TMEM240: variants seen among roughly 807,000 people sequenced by gnomAD.
TMEM240 encodes the protein transmembrane protein C1orf70.
Under a neutral mutation model 19.5 loss-of-function variants are expected in TMEM240, and 3 were observed. The observed-to-expected ratio is 0.15, with a 90% CI of 0.07 to 0.40. The LOEUF (loss-of-function observed/expected upper bound fraction) is 0.40. Among genes scored for constraint, TMEM240 ranks in the 10% least tolerant of loss-of-function variants. The probability of loss-of-function intolerance (pLI) is 1.00; values close to 1 mark genes in which losing one functional copy is unlikely to be tolerated. For synonymous variants in TMEM240, 123 were observed against 109.3 expected (o/e 1.13, Z -0.78); for missense variants, 210 against 253.5 (o/e 0.83, Z 1.17).
At position 1,539,827 on chromosome 1, in the gene TMEM240, G is replaced by C. The variant is rs771018228; in HGVS notation, c.58-37C>G. The C allele has an allele frequency of 2.7e-5, 41 of 1,532,312 alleles. No individual in the cohort carries two copies. The East Asian group carries it at 7.9e-4, about 30-fold the overall frequency. 94.9% of individuals were successfully genotyped at this position (1,532,312 alleles called of 1,614,324 possible). A position where few individuals can be genotyped will look rare whatever the true frequency, so the allele number is the denominator to read the frequency against. ...CATGACCGGTCAGCGCCAAGGAGCG[G>C]GCGGGACGAAGCGGGGCTGGGGGTG... On this transcript the variant is annotated intron_variant, in intron 1 of 3. Transcript: ENST00000378733.
In TMEM240 at chr1:1,535,564, C is replaced by T. The variant is rs994122912; in HGVS notation, c.373+25G>A. On this transcript the variant is annotated intron_variant, in intron 3 of 3. Transcript: ENST00000378733. The surrounding 1 kb of genome is among the most constrained non-coding windows in gnomAD (Gnocchi z 8.2). ...GGGCCGGCCAGGGCGGCAGCACTCCCGGGCGGCGGGCACGAGGCACTCACC... is the reference window on the plus strand; with the variant it reads ...GGGCCGGCCAGGGCGGCAGCACTCCTGGGCGGCGGGCACGAGGCACTCACC... 5.0e-5 allele frequency: 78 copies of T among 1,544,660 alleles called. No individual in the cohort carries two copies. Among genetic ancestry groups the T allele is most frequent in the Admixed American group, 1.4e-4 (7 of 50,762 alleles).
At position 1,540,433 on chromosome 1, in the gene TMEM240, C is replaced by T; in HGVS notation, c.-87G>A. ...CCCGATGCTGAGCCCCCGCCGCCTCCGCAGAGGTCAGCGCTTCCCTGGATC... is the reference window on the plus strand; with the variant it reads ...CCCGATGCTGAGCCCCCGCCGCCTCTGCAGAGGTCAGCGCTTCCCTGGATC... On this transcript the variant is annotated 5_prime_UTR_variant, in exon 1 of 4. Transcript: ENST00000378733. 2.3e-6 allele frequency: 1 copy of T among 429,692 alleles called. No individual in the cohort carries two copies. The highest frequency in any genetic ancestry group is 2.2e-5 in the African/African-American group (1 of 45,904). The allele number at this position is 429,692 out of a possible 1,614,324, so 26.6% of individuals were successfully genotyped here. A position where few individuals can be genotyped will look rare whatever the true frequency, so the allele number is the denominator to read the frequency against.
chr1:1,539,616 C>T, intron 2 of TMEM240, 68 bp downstream of exon 2: 2 of 1,392,858 alleles, frequency 1.4e-6, no homozygotes, highest in African/African-American at 2.9e-5. Flanking sequence ...GGTTCCCCCG[C>T]GCCCCGAGTG....
At chr1:1,537,181 T>C (rs1254042609) in intron 2 of TMEM240, among the ~76,000 whole-genome samples, 2 of 151,894 alleles carry the variant, frequency 1.3e-5, no homozygotes, top group Non-Finnish European at 2.9e-5. Context: ...ACGCTCCCCT[T>C]GAAGCCCTCC....
rs1642226614 is a variant in TMEM240, at chr1:1,536,597, G to A, written c.165-800C>T. 6.6e-6 allele frequency among the ~76,000 whole-genome samples: 1 copy of A among 152,166 alleles called. No individual in the cohort carries two copies. Among genetic ancestry groups the A allele is most frequent in the Non-Finnish European group, 1.5e-5 (1 of 68,018 alleles). On this transcript the variant is annotated intron_variant, in intron 2 of 3. Transcript: ENST00000378733. The surrounding 1 kb of genome is among the most constrained non-coding windows in gnomAD (Gnocchi z 5.4). Reference sequence around the variant, plus strand: ...AACTGCCCAGGCTCAGGCCACAACAGCCTCTGGCCTCTTGCTGCTGGGGCA... The same window carrying A: ...AACTGCCCAGGCTCAGGCCACAACAACCTCTGGCCTCTTGCTGCTGGGGCA...
In TMEM240 at chr1:1,535,927, GGCGGGCGGGTC is replaced by G; in HGVS notation, c.165-141_165-131del. On this transcript the variant is annotated intron_variant, in intron 2 of 3. Transcript: ENST00000378733. The surrounding 1 kb of genome is among the most constrained non-coding windows in gnomAD (Gnocchi z 8.2). ...GGGGGTTCTCTGAAGCAGCCTCTTG[GGCGGGCGGGTC>G]GGGAAGGGGGCACCAGACTCAACGA... 3.1e-6 allele frequency: 2 copies of G among 651,018 alleles called. No individual in the cohort carries two copies. Among genetic ancestry groups the G allele is most frequent in the Non-Finnish European group, 2.7e-6 (1 of 366,278 alleles). 40.3% of individuals were successfully genotyped at this position (651,018 alleles called of 1,614,324 possible). A position where few individuals can be genotyped will look rare whatever the true frequency, so the allele number is the denominator to read the frequency against.
At chr1:1,538,224 A>G (rs372757400) in intron 2 of TMEM240, among the ~76,000 whole-genome samples, 47 of 152,226 alleles carry the variant, frequency 3.1e-4, no homozygotes, top group African/African-American at 1.2e-4. Flanking sequence ...CTGAACGTAC[A>G]TATCCTGTAT....
At chr1:1,538,368 G>A (rs559088875) in intron 2 of TMEM240, among the ~76,000 whole-genome samples, 4 of 152,328 alleles carry the variant, frequency 2.6e-5, no homozygotes, top group East Asian at 3.9e-4. Context: ...CTCTGGACAC[G>A]GCATGAGCCG....
Position 1,535,626 on chromosome 1 carries a change from G to T in TMEM240, c.336C>A (p.His112Gln), listed in dbSNP as rs1334324783. The T allele has an allele frequency of 6.5e-7, 1 of 1,549,816 alleles. No homozygotes were observed. Among genetic ancestry groups the T allele is most frequent in the South Asian group, 1.2e-5 (1 of 84,062 alleles). Residue 112 changes from histidine (H) to glutamine (Q), a missense_variant, in exon 3 of 4, where the codon CAC becomes CAA. Around this residue, in one of 3 missense-constraint regions of TMEM240, gnomAD observed 157 missense variants for 168.2 expected, o/e 0.93. Transcript: ENST00000378733. The surrounding 1 kb of genome is among the most constrained non-coding windows in gnomAD (Gnocchi z 8.2). ...WFLVWMDGVL[H>Q]CAVRAWRAGR... is the part of the protein sequence containing the mutation. Reference sequence around the variant, plus strand: ...CGGCTCTCCAGGCGCGCACGGCGCAGTGCAGGACGCCGTCCATCCACACCA... The same window carrying T: ...CGGCTCTCCAGGCGCGCACGGCGCATTGCAGGACGCCGTCCATCCACACCA...
chr1:1,540,204 G>A (rs1397617946), intron 1 of TMEM240, 86 bp downstream of exon 1: 12 of 909,292 alleles, frequency 1.3e-5, no homozygotes, highest in South Asian at 3.7e-5. Flanking sequence ...CAGGCCGCAC[G>A]GGCGGTAAAC....
Position 1,535,869 on chromosome 1 carries a change from C to T in TMEM240, c.165-72G>A, listed in dbSNP as rs568200518. ...TGGCCTTCCCCCGGGGCGCCTACCCCGTGGTGGGGGTGTGACCGCGTCAGG... is the reference window on the plus strand; with the variant it reads ...TGGCCTTCCCCCGGGGCGCCTACCCTGTGGTGGGGGTGTGACCGCGTCAGG... On this transcript the variant is annotated intron_variant, in intron 2 of 3. Transcript: ENST00000378733. The surrounding 1 kb of genome is among the most constrained non-coding windows in gnomAD (Gnocchi z 8.2). The T allele has an allele frequency of 6.8e-5, 78 of 1,153,106 alleles. No individual in the cohort carries two copies. Among genetic ancestry groups the T allele is most frequent in the South Asian group, 3.3e-4 (26 of 77,772 alleles). The allele number at this position is 1,153,106 out of a possible 1,614,324, so 71.4% of individuals were successfully genotyped here. A position where few individuals can be genotyped will look rare whatever the true frequency, so the allele number is the denominator to read the frequency against.
intron 2 of TMEM240, among the ~76,000 whole-genome samples, chr1:1,538,524 C>T (rs1291843842): frequency 2.6e-5 from 4 of 152,256 alleles, no homozygotes; most frequent in Non-Finnish European, 4.4e-5. Flanking sequence ...GGGTCTGGGC[C>T]CAGCCTCCGG....
intron 1 of TMEM240, 119 bp from the exon 2 acceptor site, chr1:1,539,909 G>A (rs776866434): frequency 3.1e-5 from 25 of 812,676 alleles, no homozygotes; most frequent in South Asian, 8.4e-5. Flanking sequence ...GCAGGCCGGG[G>A]TGAGGGGAGC....
chr1:1,535,941 G>GGGGC lies in TMEM240; in HGVS notation c.165-145_165-144insGCCC. 18 of 388,930 alleles carry GGGGC rather than the reference G, an allele frequency of 4.6e-5. No homozygotes were observed. The highest frequency in any genetic ancestry group is 3.0e-4 in the East Asian group (4 of 13,392). The allele number at this position is 388,930 out of a possible 1,614,324, so 24.1% of individuals were successfully genotyped here. A position where few individuals can be genotyped will look rare whatever the true frequency, so the allele number is the denominator to read the frequency against. On this transcript the variant is annotated intron_variant, in intron 2 of 3. Coordinates refer to ENST00000378733, the MANE Select transcript of TMEM240 (RefSeq NM_001114748.2). This position sits in a 1 kb window ranked among gnomAD's most constrained non-coding sequence, Gnocchi z 8.2. ...GCAGCCTCTTGGGCGGGCGGGTCGG[G>GGGGC]AAGGGGGCACCAGACTCAACGAGGC...
intron 2 of TMEM240, among the ~76,000 whole-genome samples, chr1:1,537,150 G>A (rs115016427): frequency 0.022 from 3,390 of 152,200 alleles, 126 homozygotes; most frequent in African/African-American, 0.077. Flanking sequence ...CCAGGAACAG[G>A]GAGGAGGTGT....
chr1:1,535,273 C>G lies in TMEM240; in HGVS notation c.*86G>C. 3 of 1,470,300 alleles carry G rather than the reference C, an allele frequency of 2.0e-6. No homozygotes were observed. The highest frequency in any genetic ancestry group is 2.7e-6 in the Non-Finnish European group (3 of 1,095,574). The allele number at this position is 1,470,300 out of a possible 1,614,324, so 91.1% of individuals were successfully genotyped here. On this transcript the variant is annotated 3_prime_UTR_variant, in exon 4 of 4. Transcript: ENST00000378733. The surrounding 1 kb of genome is among the most constrained non-coding windows in gnomAD (Gnocchi z 8.2). Reference sequence around the variant, plus strand: ...CCTGGGCCCAGGGCTGCTGTCCAGTCCCGCCGGCCCGGGCGTCCACGAGGT... The same window carrying G: ...CCTGGGCCCAGGGCTGCTGTCCAGTGCCGCCGGCCCGGGCGTCCACGAGGT...
chr1:1,536,073 C>A lies in TMEM240; in HGVS notation c.165-276G>T, dbSNP rs988053193. ...ACCAGCTGCCGGCGAGGGTGTCGGC[C>A]CTCACTCAGCACCTCCTCCCTGAGG... On this transcript the variant is annotated intron_variant, in intron 2 of 3. Transcript: ENST00000378733. The surrounding 1 kb of genome is among the most constrained non-coding windows in gnomAD (Gnocchi z 5.4). 1.3e-5 allele frequency among the ~76,000 whole-genome samples: 2 copies of A among 152,078 alleles called. No individual in the cohort carries two copies. Among genetic ancestry groups the A allele is most frequent in the East Asian group, 1.9e-4 (1 of 5,172 alleles).
At chr1:1,539,020 G>T (rs536163574) in intron 2 of TMEM240, 1 of 152,644 alleles carries the variant, frequency 6.6e-6, no homozygotes, top group African/African-American at 2.4e-5. Flanking sequence ...CTGTGTGTAC[G>T]CACATGTATA....
chr1:1,540,385 C>G lies in TMEM240; in HGVS notation c.-39G>C. The G allele has an allele frequency of 9.9e-7, 1 of 1,006,888 alleles. No homozygotes were observed. The highest frequency in any genetic ancestry group is 1.2e-6 in the Non-Finnish European group (1 of 808,296). The allele number at this position is 1,006,888 out of a possible 1,614,324, so 62.4% of individuals were successfully genotyped here. A position where few individuals can be genotyped will look rare whatever the true frequency, so the allele number is the denominator to read the frequency against. ...GCCGGGCCGGAGCGCCGCCCCCCGG[C>G]CCCGGCGCCCCCCCGGCCCCGGCCC... On this transcript the variant is annotated 5_prime_UTR_variant, in exon 1 of 4. Transcript: ENST00000378733.
Sources: gnomAD v4.1 joint callset for allele counts (sites outside exome capture counted in the v4.1 genomes callset) on GRCh38, gnomAD v4.1.1 for gene constraint, gnomAD v4.1.1 regional missense constraint, Gnocchi (gnomAD v3.1) non-coding constraint, MANE v1.5 for transcripts, NCBI Gene and HGNC (gene_info 2026-07-23, HGNC 2026-07-21) for gene names.